The following TFDP2 variants were observed in gnomAD, a reference collection of about 807,000 sequenced individuals.
TFDP2 encodes transcription factor Dp-2.
In TFDP2, 17 loss-of-function variants were observed where a neutral mutation model predicts 59.3. That is an observed-to-expected ratio of 0.29 (90% CI 0.20 to 0.43). The LOEUF (loss-of-function observed/expected upper bound fraction) is 0.43. TFDP2 is among the 20% of genes least tolerant of loss of function. The probability of loss-of-function intolerance (pLI) is 1.00; values close to 1 mark genes in which losing one functional copy is unlikely to be tolerated. For synonymous variants in TFDP2, 180 were observed against 194.7 expected, an observed-to-expected ratio of 0.92 and a Z score of 0.63; for missense variants, 391 against 528.8, an observed-to-expected ratio of 0.74 and a Z score of 2.56.
chr3:141,971,438 A>C (rs1490222775), intron 8 of TFDP2, among the ~76,000 whole-genome samples: 1 of 150,936 alleles, frequency 6.6e-6, no homozygotes, highest in Non-Finnish European at 1.5e-5. Context: ...AATCCCAGCT[A>C]CTCGGGAGGC....
At chr3:142,134,456 C>T (rs990747038) in intron 1 of TFDP2, among the ~76,000 whole-genome samples, 1 of 151,920 alleles carries the variant, frequency 6.6e-6, no homozygotes, top group Non-Finnish European at 1.5e-5. Context: ...AAGCTAATTG[C>T]GCAAAATTAA....
chr3:141,997,386 G>A (rs1200779554), intron 4 of TFDP2, among the ~76,000 whole-genome samples: 1 of 152,092 alleles, frequency 6.6e-6, no homozygotes, highest in African/African-American at 2.4e-5. Flanking sequence ...AGAAAAATGT[G>A]AGTTATTTGA....
intron 3 of TFDP2, among the ~76,000 whole-genome samples, chr3:142,047,931 G>T (rs113660187): frequency 4.0e-5 from 6 of 151,574 alleles, no homozygotes; most frequent in Admixed American, 1.3e-4. Flanking sequence ...TAGTAGAGAC[G>T]CGGTCTCACC....
At chr3:142,113,619 G>C (rs970111665) in intron 1 of TFDP2, among the ~76,000 whole-genome samples, 7 of 152,086 alleles carry the variant, frequency 4.6e-5, no homozygotes, top group Admixed American at 2.6e-4. Context: ...GTTGTATAAT[G>C]AACTATATGC....
Position 142,096,710 on chromosome 3 carries a change from G to A in TFDP2, c.16-3583C>T, listed in dbSNP as rs2061174387. Reference sequence around the variant, plus strand: ...TCAGATCATATTGACTAATAATATTGTAATTTCATTGATATTCAACATTTC... The same window carrying A: ...TCAGATCATATTGACTAATAATATTATAATTTCATTGATATTCAACATTTC... On this transcript the variant is annotated intron_variant, in intron 2 of 12. Transcript: ENST00000489671. 2.0e-5 allele frequency among the ~76,000 whole-genome samples: 3 copies of A among 152,202 alleles called. No homozygotes were observed. The South Asian group carries it at 6.2e-4, about 32-fold the overall frequency.
intron 3 of TFDP2, among the ~76,000 whole-genome samples, chr3:142,035,786 G>C (rs1318240552): frequency 6.6e-6 from 1 of 152,164 alleles, no homozygotes; most frequent in African/African-American, 2.4e-5. Flanking sequence ...TCCTCTCTTT[G>C]CCTGCTGCCA....
At chr3:142,067,116 C>T (rs757722141) in intron 3 of TFDP2, among the ~76,000 whole-genome samples, 9 of 152,116 alleles carry the variant, frequency 5.9e-5, no homozygotes, top group Non-Finnish European at 1.3e-4. Context: ...ATTTCTGCTG[C>T]CACCATTTTT....
At chr3:141,953,212 G>T (rs1936137338) in intron 11 of TFDP2, among the ~76,000 whole-genome samples, 196 bp from the exon 12 acceptor site, 1 of 150,930 alleles carries the variant, frequency 6.6e-6, no homozygotes, top group Non-Finnish European at 1.5e-5. Context: ...CATAAGAGCA[G>T]GAAAAAAAAA....
chr3:142,039,966 T>C (rs1214220885), intron 3 of TFDP2, among the ~76,000 whole-genome samples: 2 of 152,104 alleles, frequency 1.3e-5, no homozygotes, highest in Admixed American at 1.3e-4. Flanking sequence ...AACTCCAGAC[T>C]AGGTTGACTC....
chr3:142,049,871 G>T (rs940096715), intron 3 of TFDP2, among the ~76,000 whole-genome samples: 1 of 151,936 alleles, frequency 6.6e-6, no homozygotes, highest in South Asian at 2.1e-4. Context: ...AAATATTTAG[G>T]GATAAATCTA....
chr3:141,979,606 G>A (rs1005590269), intron 6 of TFDP2, among the ~76,000 whole-genome samples: 16 of 151,904 alleles, frequency 1.1e-4, no homozygotes, highest in African/African-American at 3.9e-4. Context: ...TTCCTTTTTT[G>A]GAGAGAGAGT....
At chr3:142,130,982 G>A (rs1031146630) in intron 1 of TFDP2, among the ~76,000 whole-genome samples, 1 of 148,412 alleles carries the variant, frequency 6.7e-6, no homozygotes, top group Non-Finnish European at 1.5e-5. Flanking sequence ...GAACGCAGGA[G>A]GCGGAGGTTG....
chr3:142,025,559 T>C (rs924671612), intron 3 of TFDP2, among the ~76,000 whole-genome samples: 1 of 152,232 alleles, frequency 6.6e-6, no homozygotes. Flanking sequence ...ATGTATTACA[T>C]GTGGAGTGAC....
At chr3:142,116,143 C>T (rs551962490) in intron 1 of TFDP2, among the ~76,000 whole-genome samples, 1 of 151,872 alleles carries the variant, frequency 6.6e-6, no homozygotes, top group East Asian at 1.9e-4. Context: ...CAGCTCATTG[C>T]AACTTCAAAC....
At chr3:142,052,238 C>G (rs1287614029) in intron 3 of TFDP2, among the ~76,000 whole-genome samples, 1 of 152,106 alleles carries the variant, frequency 6.6e-6, no homozygotes, top group East Asian at 1.9e-4. Flanking sequence ...GGAAAATGTA[C>G]GAGAAAACCT....
At chr3:142,021,395 G>C (rs879930474) in intron 3 of TFDP2, among the ~76,000 whole-genome samples, 28 of 152,154 alleles carry the variant, frequency 1.8e-4, no homozygotes, top group Non-Finnish European at 1.2e-4. Flanking sequence ...CCAGAACATA[G>C]AGAACTTTCA....
chr3:141,994,843 G>A, intron 5 of TFDP2, 177 bp downstream of exon 5: 1 of 500,776 alleles, frequency 2.0e-6, no homozygotes. Context: ...TTTAAAAATA[G>A]TTATTCCAGA....
At chr3:142,057,282 G>A (rs1482441619) in intron 3 of TFDP2, among the ~76,000 whole-genome samples, 1 of 152,148 alleles carries the variant, frequency 6.6e-6, no homozygotes, top group Admixed American at 6.6e-5. Context: ...CCTTTTTAAA[G>A]ACGAAATTTA....
intron 2 of TFDP2, among the ~76,000 whole-genome samples, chr3:142,099,180 T>C (rs189690295): frequency 5.3e-5 from 8 of 152,318 alleles, no homozygotes; most frequent in Admixed American, 1.3e-4. Context: ...TGTGACACAA[T>C]TGATCACTTC....
Sources: allele counts gnomAD v4.1 joint callset (sites outside exome capture counted in the v4.1 genomes callset), GRCh38; gene constraint gnomAD v4.1.1; transcripts MANE v1.5; gene names NCBI Gene and HGNC (gene_info 2026-07-23, HGNC 2026-07-21).